The following FBN1 variants were observed in gnomAD, a reference collection of about 807,000 sequenced individuals.
The protein encoded by FBN1 is fibrillin-1.
Under a neutral mutation model 365.1 loss-of-function variants are expected in FBN1, and 29 were observed. That is an observed-to-expected ratio of 0.08 (90% CI 0.06 to 0.11). FBN1 has a LOEUF of 0.11. FBN1 is among the 10% of genes least tolerant of loss of function. The pLI, the probability that FBN1 is intolerant of heterozygous loss-of-function variation, is 1.00. For missense variants in FBN1, 2,476 were observed against 3,703.2 expected (o/e 0.67, Z 8.60); for synonymous variants, 1,210 against 1,270.5 (o/e 0.95, Z 1.01).
At chr15:48,423,288 C>T (rs2042956762) in intron 60 of FBN1, among the ~76,000 whole-genome samples, 1 of 152,370 alleles carries the variant, frequency 6.6e-6, no homozygotes, top group African/African-American at 2.4e-5. Context: ...GCCAGCTTTG[C>T]CAGTGACTGC....
At chr15:48,542,058 C>G (rs2044062148) in intron 6 of FBN1, among the ~76,000 whole-genome samples, 1 of 152,192 alleles carries the variant, frequency 6.6e-6, no homozygotes, top group African/African-American at 2.4e-5. Flanking sequence ...GGATTGCTCT[C>G]CAGTCCCGTT....
chr15:48,530,039 A>C (rs2043954867), intron 8 of FBN1, among the ~76,000 whole-genome samples: 1 of 15,184 alleles, frequency 6.6e-5, no homozygotes, highest in Non-Finnish European at 1.3e-4. Context: ...ACAACTTGAA[A>C]ATGGAGTCTG....
At chr15:48,576,710 C>G (rs1003409071) in intron 6 of FBN1, among the ~76,000 whole-genome samples, 2 of 152,210 alleles carry the variant, frequency 1.3e-5, no homozygotes, top group South Asian at 4.1e-4. Context: ...TCACACACCA[C>G]TCTTGTAGCT....
intron 6 of FBN1, among the ~76,000 whole-genome samples, chr15:48,566,213 C>T (rs1449379336): frequency 1.3e-5 from 2 of 152,170 alleles, no homozygotes; most frequent in South Asian, 2.1e-4. Flanking sequence ...ATTTCCACCA[C>T]AGATTTACCA....
intron 32 of FBN1, among the ~76,000 whole-genome samples, chr15:48,475,973 TTAG>T (rs1186050390): frequency 6.6e-6 from 1 of 152,198 alleles, no homozygotes; most frequent in Non-Finnish European, 1.5e-5. Context: ...TAGGTGGATT[TTAG>T]TGTAACCTTG....
chr15:48,480,247 A>C (rs774946726), intron 32 of FBN1, among the ~76,000 whole-genome samples: 3 of 152,172 alleles, frequency 2.0e-5, no homozygotes, highest in Non-Finnish European at 4.4e-5. Context: ...TGCTCAGCTT[A>C]ACAAAACAGT....
chr15:48,470,037 G>A (rs1334819383), intron 36 of FBN1, among the ~76,000 whole-genome samples: 1 of 152,082 alleles, frequency 6.6e-6, no homozygotes, highest in Non-Finnish European at 1.5e-5. Flanking sequence ...AATTAGGAAG[G>A]GGAAATGCAA....
intron 6 of FBN1, among the ~76,000 whole-genome samples, chr15:48,587,622 T>G (rs917632005): frequency 6.6e-6 from 1 of 152,184 alleles, no homozygotes; most frequent in African/African-American, 2.4e-5. Context: ...CCTGTAGTAC[T>G]TTCCTTTATC....
At chr15:48,629,890 A>G (rs139392787) in intron 2 of FBN1, among the ~76,000 whole-genome samples, 34 of 152,316 alleles carry the variant, frequency 2.2e-4, no homozygotes, top group African/African-American at 7.9e-4. Flanking sequence ...CACTTGAAGA[A>G]CCACCTTTAT....
At chr15:48,531,589 T>C (rs2043973609) in intron 8 of FBN1, among the ~76,000 whole-genome samples, 1 of 152,124 alleles carries the variant, frequency 6.6e-6, no homozygotes, top group Admixed American at 6.5e-5. Flanking sequence ...CTAGGGAACA[T>C]ATTCAGTGAT....
chr15:48,608,326 A>G (rs533695981), intron 4 of FBN1, among the ~76,000 whole-genome samples: 4 of 152,282 alleles, frequency 2.6e-5, no homozygotes, highest in Admixed American at 2.6e-4. Context: ...TCGTTCAGTG[A>G]TCTAAATTGA....
chr15:48,495,796 G>C (rs1202538853), intron 20 of FBN1, among the ~76,000 whole-genome samples: 1 of 152,146 alleles, frequency 6.6e-6, no homozygotes, highest in Non-Finnish European at 1.5e-5. Flanking sequence ...TACGGGACTT[G>C]GCTGAATCTT....
rs886039208 is a variant in FBN1 at position 48,488,404 on chromosome 15, C to G, written c.3172G>C (p.Gly1058Arg). 1 of 1,614,194 alleles carries G rather than the reference C, an allele frequency of 6.2e-7. No individual in the cohort carries two copies. ...IGSFKCRCDS[G>R]FALDSEERNC... The stretch of plus-strand genomic sequence containing the variant: ...CTTTCTTCAGAATCAAGAGCAAAGC[C>G]GCTGTCACACCTGCACTTAAAGCTG... The change falls in exon 26 of 66, where the codon GGC (glycine) becomes CGC (arginine). Residue 1058 changes from glycine to arginine, a missense_variant. Gly to Arg is a moderately radical substitution (Grantham distance 125). This residue lies in a region of FBN1 where 1,780 missense variants were observed against 2,840.8 expected (regional missense o/e 0.63). Transcript: ENST00000316623.
intron 54 of FBN1, 93 bp downstream of exon 54, chr15:48,434,501 C>T: frequency 2.7e-6 from 4 of 1,486,768 alleles, no homozygotes; most frequent in Non-Finnish European, 3.8e-6. Flanking sequence ...ATTATATACA[C>T]CCTGAGTTGT....
intron 6 of FBN1, among the ~76,000 whole-genome samples, chr15:48,594,936 T>A (rs1316824809): frequency 6.6e-6 from 1 of 152,164 alleles, no homozygotes; most frequent in Non-Finnish European, 1.5e-5. Flanking sequence ...GAAGAAATAG[T>A]TTTTAGTACT....
At chr15:48,499,542 T>C (rs572809023) in intron 17 of FBN1, among the ~76,000 whole-genome samples, 2 of 152,272 alleles carry the variant, frequency 1.3e-5, no homozygotes, top group South Asian at 4.1e-4. Flanking sequence ...TGCATTTAAG[T>C]GTATTTTTAA....
chr15:48,623,669 C>T (rs573994539), intron 2 of FBN1, among the ~76,000 whole-genome samples: 3 of 152,158 alleles, frequency 2.0e-5, no homozygotes, highest in Non-Finnish European at 4.4e-5. Flanking sequence ...TTCCTACAGA[C>T]AATCATGACA....
intron 48 of FBN1, 27 bp downstream of exon 48, chr15:48,445,349 C>T (rs2141249052): frequency 6.2e-7 from 1 of 1,611,090 alleles, no homozygotes; most frequent in African/African-American, 1.3e-5. Flanking sequence ...AGCATTCTTT[C>T]CAGGTCTTTC....
At chr15:48,444,317 T>C (rs2043137609) in intron 49 of FBN1, among the ~76,000 whole-genome samples, 1 of 152,188 alleles carries the variant, frequency 6.6e-6, no homozygotes. Flanking sequence ...GTCAGGATCA[T>C]ATGATCAGTC....
Sources: gnomAD v4.1 joint callset for allele counts (sites outside exome capture counted in the v4.1 genomes callset) on GRCh38, gnomAD v4.1.1 for gene constraint, gnomAD v4.1.1 regional missense constraint, MANE v1.5 for transcripts, NCBI Gene and HGNC (gene_info 2026-07-23, HGNC 2026-07-21) for gene names.